Variants in DOCK1 observed in about 807,000 individuals in gnomAD.
DOCK1 encodes dedicator of cytokinesis protein 1.
A neutral mutation model predicts 262.7 loss-of-function variants in DOCK1; 138 were observed. The observed-to-expected ratio is 0.53, with a 90% CI of 0.46 to 0.61. DOCK1 has a LOEUF of 0.61. DOCK1 is among the 20% of genes least tolerant of loss of function. The probability of loss-of-function intolerance (pLI) is 0.00; values close to 1 mark genes in which losing one functional copy is unlikely to be tolerated. For missense variants in DOCK1, 1,908 were observed against 2,370.7 expected (o/e 0.80, Z 4.05); for synonymous variants, 866 against 867.4 (o/e 1.00, Z 0.03).
At chr10:127,308,737 C>T (rs2061962466) in intron 29 of DOCK1, among the ~76,000 whole-genome samples, 1 of 152,190 alleles carries the variant, frequency 6.6e-6, no homozygotes, top group Admixed American at 6.5e-5. Flanking sequence ...CTTCCAGCTT[C>T]ATCCATGTCC....
At chr10:127,187,690 C>G (rs1026677590) in intron 27 of DOCK1, among the ~76,000 whole-genome samples, 1 of 150,448 alleles carries the variant, frequency 6.6e-6, no homozygotes, top group African/African-American at 2.5e-5. Context: ...ACTTGGAGGC[C>G]AGGAAGTTAA....
intron 29 of DOCK1, among the ~76,000 whole-genome samples, chr10:127,305,570 A>G (rs1308830946): frequency 6.6e-6 from 1 of 152,152 alleles, no homozygotes; most frequent in Non-Finnish European, 1.5e-5. Flanking sequence ...TGGGAACAGT[A>G]AAGAAATGAG....
At chr10:127,181,550 C>T (rs2055736813) in intron 27 of DOCK1, among the ~76,000 whole-genome samples, 1 of 152,184 alleles carries the variant, frequency 6.6e-6, no homozygotes, top group Non-Finnish European at 1.5e-5. Flanking sequence ...AGGAGTGCCA[C>T]AAGGGATTGT....
At chr10:127,027,273 G>A (rs2042931897) in intron 16 of DOCK1, among the ~76,000 whole-genome samples, 1 of 152,240 alleles carries the variant, frequency 6.6e-6, no homozygotes, top group Non-Finnish European at 1.5e-5. Context: ...TTAAGCATGA[G>A]CCTCTTCTGT....
intron 27 of DOCK1, among the ~76,000 whole-genome samples, chr10:127,206,327 A>C (rs957657945): frequency 2.0e-5 from 3 of 151,994 alleles, no homozygotes; most frequent in African/African-American, 7.2e-5. Context: ...TATTTTTAGT[A>C]GAGACAGGGT....
At chr10:127,329,874 A>G (rs1271265036) in intron 29 of DOCK1, among the ~76,000 whole-genome samples, 1 of 152,152 alleles carries the variant, frequency 6.6e-6, no homozygotes, top group Admixed American at 6.5e-5. Flanking sequence ...CAATCCTGAA[A>G]TTAGACTGTT....
intron 38 of DOCK1, among the ~76,000 whole-genome samples, chr10:127,393,137 T>A (rs982696158): frequency 2.0e-5 from 3 of 152,176 alleles, no homozygotes; most frequent in African/African-American, 7.2e-5. Flanking sequence ...ATTTCCTTGG[T>A]TCGATCTTAC....
intron 27 of DOCK1, among the ~76,000 whole-genome samples, chr10:127,178,015 G>T (rs186758982): frequency 6.6e-6 from 1 of 152,270 alleles, no homozygotes; most frequent in Non-Finnish European, 1.5e-5. Context: ...ACAGACAGAG[G>T]CATGACCCCT....
chr10:127,352,635 C>T (rs774570297), intron 31 of DOCK1, among the ~76,000 whole-genome samples: 10 of 152,082 alleles, frequency 6.6e-5, no homozygotes, highest in Admixed American at 1.3e-4. Context: ...CTCTGTCGCC[C>T]AGGCTGGAGT....
intron 24 of DOCK1, among the ~76,000 whole-genome samples, chr10:127,108,526 C>A (rs1231412850): frequency 6.6e-6 from 1 of 152,142 alleles, no homozygotes; most frequent in Non-Finnish European, 1.5e-5. Context: ...GCAGAAATTG[C>A]AGTGAGCCTG....
At chr10:127,140,244 C>A (rs557563578) in intron 27 of DOCK1, among the ~76,000 whole-genome samples, 1 of 152,178 alleles carries the variant, frequency 6.6e-6, no homozygotes, top group Admixed American at 6.5e-5. Context: ...CACCAAGGAA[C>A]CATGTAATCA....
intron 28 of DOCK1, among the ~76,000 whole-genome samples, chr10:127,251,593 C>T (rs939015709): frequency 2.2e-5 from 3 of 138,216 alleles, no homozygotes; most frequent in Non-Finnish European, 3.0e-5. Flanking sequence ...CATGTGTTCT[C>T]ATTGTTCAAT....
intron 40 of DOCK1, among the ~76,000 whole-genome samples, chr10:127,408,202 C>G (rs1284160901): frequency 5.9e-5 from 9 of 152,172 alleles, no homozygotes; most frequent in African/African-American, 2.2e-4. Flanking sequence ...CCTCCCCGCC[C>G]CGGACTGCCT....
chr10:127,199,342 T>G (rs2057353643), intron 27 of DOCK1, among the ~76,000 whole-genome samples: 3 of 152,186 alleles, frequency 2.0e-5, no homozygotes, highest in Admixed American at 2.0e-4. Flanking sequence ...ATAGTGAGTT[T>G]GAGGTCTCAA....
rs144270664 is a variant in DOCK1 at position 127,067,575 on chromosome 10, A to G, written c.2445+5799A>G. 3.9e-5 allele frequency among the ~76,000 whole-genome samples: 6 copies of G among 152,124 alleles called. No individual in the cohort carries two copies. The East Asian group carries it at 5.8e-4, about 15-fold the overall frequency. ...GTGCATATGAAGCTGGAAAATGCTC[A>G]TGAAGAAGTTCTACACTGATTCCCT... is the stretch of plus-strand genomic sequence containing the variant. On this transcript the variant is annotated intron_variant, in intron 23 of 51. Transcript: ENST00000623213.
intron 29 of DOCK1, among the ~76,000 whole-genome samples, chr10:127,261,550 CCCGTGCTCATCTGTGT>C (rs2060119140): frequency 4.2e-4 from 33 of 78,534 alleles, no homozygotes; most frequent in African/African-American, 6.0e-4. Context: ...TGTGTGTGTA[CCCGTGCTCATCTGTGT>C]GTGTACCTGC....
chr10:126,997,949 G>C (rs1591584904), intron 7 of DOCK1, 143 bp from the exon 8 acceptor site: 1 of 1,004,586 alleles, frequency 1.0e-6, no homozygotes, highest in East Asian at 2.6e-5. Flanking sequence ...ATGTGCAGGG[G>C]AGATAAGAAA....
At chr10:127,312,533 G>A (rs1430851371) in intron 29 of DOCK1, among the ~76,000 whole-genome samples, 1 of 152,146 alleles carries the variant, frequency 6.6e-6, no homozygotes, top group Admixed American at 6.5e-5. Flanking sequence ...TTTATAACAT[G>A]CAGCATTTTA....
intron 21 of DOCK1, among the ~76,000 whole-genome samples, chr10:127,045,439 C>CT (rs2044284841): frequency 6.6e-6 from 1 of 152,130 alleles, no homozygotes; most frequent in Admixed American, 6.6e-5. Context: ...TGGTGATATG[C>CT]TTACAGTATT....
Sources: allele counts gnomAD v4.1 joint callset (sites outside exome capture counted in the v4.1 genomes callset), GRCh38; gene constraint gnomAD v4.1.1; transcripts MANE v1.5; gene names NCBI Gene and HGNC (gene_info 2026-07-23, HGNC 2026-07-21).